The following SGCZ variants were observed in gnomAD, a reference collection of about 807,000 sequenced individuals.
The protein encoded by SGCZ is sarcoglycan zeta.
SGCZ carries 40 observed loss-of-function variants against 41.3 expected under a neutral mutation model. The ratio of observed to expected loss-of-function variants is 0.97; its 90% CI spans 0.75 to 1.26. SGCZ has a LOEUF of 1.26. Ranked by LOEUF, SGCZ falls within the 50% of genes most tolerant of loss-of-function variation. SGCZ has a pLI of 0.00. For synonymous variants in SGCZ, 206 were observed against 137.5 expected, an observed-to-expected ratio of 1.50 and a Z score of -3.49; for missense variants, 552 against 369.8, an observed-to-expected ratio of 1.49 and a Z score of -4.04.
intron 1 of SGCZ, among the ~76,000 whole-genome samples, chr8:14,680,963 G>A (rs1381648522): frequency 4.7e-5 from 5 of 106,174 alleles, no homozygotes; most frequent in Non-Finnish European, 7.1e-5. Flanking sequence ...AAAAAGAGTG[G>A]GAAAAAAAAA....
chr8:14,900,570 T>C (rs1798938896), intron 1 of SGCZ, among the ~76,000 whole-genome samples: 1 of 152,184 alleles, frequency 6.6e-6, no homozygotes, highest in Non-Finnish European at 1.5e-5. Flanking sequence ...CTGATTCTAC[T>C]TACCAGCCCA....
At chr8:14,767,437 A>G (rs374908997) in intron 1 of SGCZ, among the ~76,000 whole-genome samples, 2 of 152,204 alleles carry the variant, frequency 1.3e-5, no homozygotes, top group East Asian at 3.9e-4. Context: ...GAGCATGAAC[A>G]TCATATTTTC....
At chr8:15,005,120 G>T (rs866300753) in intron 1 of SGCZ, among the ~76,000 whole-genome samples, 1 of 152,128 alleles carries the variant, frequency 6.6e-6, no homozygotes, top group African/African-American at 2.4e-5. Flanking sequence ...ATGCCGGCTA[G>T]TAAGTTACTC....
At chr8:14,957,271 C>T (rs1392030115) in intron 1 of SGCZ, among the ~76,000 whole-genome samples, 3 of 151,946 alleles carry the variant, frequency 2.0e-5, no homozygotes. Flanking sequence ...AATTTATTTG[C>T]CAAATATAAA....
At chr8:15,008,518 T>C (rs1378551593) in intron 1 of SGCZ, among the ~76,000 whole-genome samples, 1 of 79,056 alleles carries the variant, frequency 1.3e-5, no homozygotes, top group Non-Finnish European at 2.4e-5. Context: ...TGGGCCTGTA[T>C]AAAGGGAGGG....
chr8:14,838,300 G>C (rs991691633), intron 1 of SGCZ, among the ~76,000 whole-genome samples: 1 of 152,008 alleles, frequency 6.6e-6, no homozygotes, highest in Admixed American at 6.6e-5. Flanking sequence ...TTTGATGTTT[G>C]GTATCTTAAA....
Position 14,140,501 on chromosome 8 carries a change from T to C in SGCZ, c.547+24079A>G, listed in dbSNP as rs1022576671. On this transcript the variant is annotated intron_variant, in intron 5 of 7. Transcript: ENST00000382080. Reference sequence around the variant, plus strand: ...AGGATACAAAATCAATGTACAAAAATCACAAGCATTCTTATACATCAATAA... The same window carrying C: ...AGGATACAAAATCAATGTACAAAAACCACAAGCATTCTTATACATCAATAA... Among the ~76,000 whole-genome samples, 25 of 152,102 alleles carry C rather than the reference T, an allele frequency of 1.6e-4. 1 individual carries two copies. The highest frequency in any genetic ancestry group is 2.9e-4 in the Non-Finnish European group (20 of 68,028).
chr8:14,625,172 A>C (rs367675170), intron 1 of SGCZ, among the ~76,000 whole-genome samples: 2 of 152,312 alleles, frequency 1.3e-5, no homozygotes, highest in African/African-American at 4.8e-5. Flanking sequence ...TCAGTGTTCC[A>C]TAACTTAAAG....
At chr8:14,576,655 C>T (rs1312048157) in intron 1 of SGCZ, among the ~76,000 whole-genome samples, 1 of 152,174 alleles carries the variant, frequency 6.6e-6, no homozygotes, top group Non-Finnish European at 1.5e-5. Flanking sequence ...TTCTTTCATG[C>T]ACTTGCTCTT....
intron 2 of SGCZ, among the ~76,000 whole-genome samples, chr8:14,413,849 A>G (rs10096480): frequency 0.24 from 36,436 of 151,712 alleles, 4,524 homozygotes; most frequent in Non-Finnish European, 0.29. Context: ...GGAGAACAGA[A>G]TCTTTCTTTG....
chr8:14,212,854 A>C (rs562470220), intron 4 of SGCZ, among the ~76,000 whole-genome samples: 10 of 152,264 alleles, frequency 6.6e-5, no homozygotes, highest in Admixed American at 6.5e-4. Flanking sequence ...AAATCTAGGC[A>C]AAAAATAGAG....
rs188091339 is a variant in SGCZ at position 14,738,416 on chromosome 8, G to A, written c.40-183490C>T. Among the ~76,000 whole-genome samples, 78 of 152,092 alleles carry A rather than the reference G, an allele frequency of 5.1e-4. 1 individual carries two copies. The East Asian group carries it at 0.014, about 27-fold the overall frequency. On this transcript the variant is annotated intron_variant, in intron 1 of 7. Transcript: ENST00000382080. ...ATCAAATTACTTTTAAAAAGTAAAT[G>A]ATATAAGCCGCTAGCTAGACCCAAC...
intron 3 of SGCZ, among the ~76,000 whole-genome samples, chr8:14,295,860 G>A (rs894891214): frequency 3.4e-4 from 52 of 152,134 alleles, no homozygotes; most frequent in African/African-American, 1.0e-3. Context: ...GGAGGGAACT[G>A]CACAGAGAAA....
chr8:14,656,414 CTCCT>C (rs59924594), intron 1 of SGCZ, among the ~76,000 whole-genome samples: 48,361 of 127,212 alleles, frequency 0.38, 9,702 homozygotes, highest in Non-Finnish European at 0.5. Context: ...CTCCTCTCCT[CTCCT>C]TCCTTCCTTC....
At chr8:15,045,624 T>C (rs1804274814) in intron 1 of SGCZ, among the ~76,000 whole-genome samples, 1 of 152,110 alleles carries the variant, frequency 6.6e-6, no homozygotes, top group African/African-American at 2.4e-5. Flanking sequence ...CACATTTGTT[T>C]ATGTTTATAT....
intron 5 of SGCZ, among the ~76,000 whole-genome samples, chr8:14,154,167 G>A (rs1006501727): frequency 4.6e-5 from 7 of 151,984 alleles, no homozygotes; most frequent in Admixed American, 3.3e-4. Context: ...TCAGGAGATC[G>A]AGACCATCCT....
chr8:14,943,000 C>G (rs936045265), intron 1 of SGCZ, among the ~76,000 whole-genome samples: 62 of 152,130 alleles, frequency 4.1e-4, no homozygotes, highest in Non-Finnish European at 4.9e-4. Context: ...CTTATTGAGA[C>G]ACATTCAACT....
At chr8:14,554,706 A>G in intron 2 of SGCZ, 26 bp downstream of exon 2, 1 of 1,577,868 alleles carries the variant, frequency 6.3e-7, no homozygotes, top group Non-Finnish European at 8.7e-7. Flanking sequence ...AAGAGCAATA[A>G]GATGTAAAAT....
At chr8:14,123,230 G>C (rs1012446863) in intron 5 of SGCZ, among the ~76,000 whole-genome samples, 2 of 152,176 alleles carry the variant, frequency 1.3e-5, no homozygotes, top group African/African-American at 4.8e-5. Flanking sequence ...CTGAAAGTTT[G>C]TTTTGATTCA....
Sources: gnomAD v4.1 joint callset for allele counts (sites outside exome capture counted in the v4.1 genomes callset) on GRCh38, gnomAD v4.1.1 for gene constraint, MANE v1.5 for transcripts, NCBI Gene and HGNC (gene_info 2026-07-23, HGNC 2026-07-21) for gene names.